WDR70: variants seen among roughly 807,000 people sequenced by gnomAD.
WDR70 encodes WD repeat domain 70.
A neutral mutation model predicts 88.6 loss-of-function variants in WDR70; 53 were observed. The observed-to-expected ratio is 0.60, with a 90% CI of 0.48 to 0.75. The LOEUF (loss-of-function observed/expected upper bound fraction) is 0.75. Among genes scored for constraint, WDR70 ranks in the 30% least tolerant of loss-of-function variants. The pLI, the probability that WDR70 is intolerant of heterozygous loss-of-function variation, is 0.00. For synonymous variants in WDR70, 280 were observed against 270.0 expected, an observed-to-expected ratio of 1.04 and a Z score of -0.36; for missense variants, 610 against 823.2, an observed-to-expected ratio of 0.74 and a Z score of 3.17.
chr5:37,438,908 G>GTTTTTTT (rs5867350), intron 6 of WDR70, among the ~76,000 whole-genome samples: 7 of 146,254 alleles, frequency 4.8e-5, no homozygotes, highest in Non-Finnish European at 6.0e-5. Flanking sequence ...GTCCTCATTC[G>GTTTTTTT]TTTTTTTTTT....
intron 8 of WDR70, among the ~76,000 whole-genome samples, chr5:37,487,621 ATATG>A (rs1310977800): frequency 5.1e-3 from 194 of 37,702 alleles, no homozygotes; most frequent in African/African-American, 0.012. Context: ...ATATATATAT[ATATG>A]TATTTTTTTT....
chr5:37,716,182 G>A (rs1256270615), intron 13 of WDR70, among the ~76,000 whole-genome samples: 1 of 152,170 alleles, frequency 6.6e-6, no homozygotes, highest in African/African-American at 2.4e-5. Flanking sequence ...CAGCAGCTGT[G>A]GAGGATCCGG....
intron 9 of WDR70, among the ~76,000 whole-genome samples, chr5:37,582,583 ATGG>A: frequency 6.6e-6 from 1 of 152,346 alleles, no homozygotes; most frequent in South Asian, 2.1e-4. Flanking sequence ...CTGTGTCACC[ATGG>A]GCAGATTATA....
chr5:37,585,665 C>A (rs1008596350), intron 9 of WDR70, among the ~76,000 whole-genome samples: 2 of 152,070 alleles, frequency 1.3e-5, no homozygotes, highest in Non-Finnish European at 2.9e-5. Context: ...GCTCTTGATC[C>A]AGTACCTTTG....
intron 5 of WDR70, among the ~76,000 whole-genome samples, chr5:37,429,069 A>G (rs1250101344): frequency 6.6e-6 from 1 of 152,192 alleles, no homozygotes; most frequent in African/African-American, 2.4e-5. Context: ...ACCTGGGCTC[A>G]AGCAATTCCT....
At chr5:37,399,553 C>G (rs1385578803) in intron 5 of WDR70, among the ~76,000 whole-genome samples, 1 of 152,062 alleles carries the variant, frequency 6.6e-6, no homozygotes, top group Non-Finnish European at 1.5e-5. Context: ...TTAAATGATC[C>G]ATTGCTTTAG....
chr5:37,451,513 G>A (rs565540673), intron 7 of WDR70, among the ~76,000 whole-genome samples: 3 of 152,084 alleles, frequency 2.0e-5, no homozygotes, highest in African/African-American at 4.8e-5. Context: ...ATAACTACAC[G>A]TGGCTAGGTA....
chr5:37,554,781 A>G lies in WDR70; in HGVS notation c.917+38191A>G, dbSNP rs563496986. On this transcript the variant is annotated intron_variant, in intron 9 of 17. Coordinates refer to ENST00000265107, the MANE Select transcript of WDR70 (RefSeq NM_018034.4). ...TTATTCACAGGTGTAATCATAGTGC[A>G]CTACAGCCTCAAACTCCTGGGCTTA... is the stretch of plus-strand genomic sequence containing the variant. Among the ~76,000 whole-genome samples, 3 of 152,146 alleles carry G rather than the reference A, an allele frequency of 2.0e-5. No homozygotes were observed. The South Asian group carries it at 6.2e-4, about 32-fold the overall frequency.
chr5:37,741,058 TTGTC>T (rs1299585771), intron 17 of WDR70, among the ~76,000 whole-genome samples: 2 of 152,152 alleles, frequency 1.3e-5, no homozygotes, highest in African/African-American at 4.8e-5. Flanking sequence ...AATAAAATAT[TTGTC>T]TGCAGAGTCC....
At chr5:37,607,100 A>G (rs1744052962) in intron 10 of WDR70, among the ~76,000 whole-genome samples, 2 of 151,044 alleles carry the variant, frequency 1.3e-5, no homozygotes, top group South Asian at 4.2e-4. Context: ...GTACCACCAC[A>G]CCCAGCTAGT....
chr5:37,412,493 A>C (rs1393406866), intron 5 of WDR70, among the ~76,000 whole-genome samples: 1 of 152,180 alleles, frequency 6.6e-6, no homozygotes, highest in African/African-American at 2.4e-5. Flanking sequence ...CTCATAATTA[A>C]ATGGAAACTT....
At position 37,699,575 on chromosome 5, in the gene WDR70, C is replaced by T. The variant is rs557922151; in HGVS notation, c.1193-1483C>T. ...AGGTGCTTCTGCTAGCTGCATAACC[C>T]GCTGGATTAGATGGAATTAATACAG... On this transcript the variant is annotated intron_variant, in intron 11 of 17. Coordinates refer to ENST00000265107, the MANE Select transcript of WDR70 (RefSeq NM_018034.4). Among the ~76,000 whole-genome samples, 76 of 152,082 alleles carry T rather than the reference C, an allele frequency of 5.0e-4. 1 individual carries two copies. The highest frequency in any genetic ancestry group is 2.9e-3 in the South Asian group (14 of 4,818).
At chr5:37,439,568 G>C (rs1262789897) in intron 6 of WDR70, among the ~76,000 whole-genome samples, 1 of 148,222 alleles carries the variant, frequency 6.7e-6, no homozygotes, top group South Asian at 2.1e-4. Flanking sequence ...AAATACTCCA[G>C]TATGTTTTAC....
chr5:37,528,903 AGGGGGTTTTTTT>A (rs1741391724), intron 9 of WDR70, among the ~76,000 whole-genome samples: 3 of 86,982 alleles, frequency 3.4e-5, no homozygotes, highest in Non-Finnish European at 7.9e-5. Flanking sequence ...CAATGTCTAG[AGGGGGTTTTTTT>A]TTTTTTTTGA....
intron 10 of WDR70, among the ~76,000 whole-genome samples, chr5:37,606,767 T>C (rs1445931402): frequency 6.6e-6 from 1 of 152,154 alleles, no homozygotes; most frequent in South Asian, 2.1e-4. Flanking sequence ...TTTATTCATA[T>C]TTTTACATTT....
chr5:37,750,950 C>CT (rs1748789771), intron 17 of WDR70, among the ~76,000 whole-genome samples: 1 of 152,088 alleles, frequency 6.6e-6, no homozygotes, highest in African/African-American at 2.4e-5. Context: ...ATTTAATTTC[C>CT]TTTTTTATAT....
intron 5 of WDR70, among the ~76,000 whole-genome samples, chr5:37,404,224 G>C (rs1183127270): frequency 6.6e-6 from 1 of 152,154 alleles, no homozygotes; most frequent in Non-Finnish European, 1.5e-5. Context: ...TTTCTTCACA[G>C]TCTAGTTGTG....
intron 8 of WDR70, among the ~76,000 whole-genome samples, chr5:37,502,609 T>G (rs1740438879): frequency 6.6e-6 from 1 of 152,170 alleles, no homozygotes; most frequent in Non-Finnish European, 1.5e-5. Context: ...ACTTGCATAT[T>G]AGGCCACTCT....
chr5:37,479,189 G>A (rs941189160), intron 7 of WDR70, among the ~76,000 whole-genome samples: 1 of 152,032 alleles, frequency 6.6e-6, no homozygotes, highest in African/African-American at 2.4e-5. Flanking sequence ...AATAATGAGA[G>A]GAAGTTGAGG....
Sources: gnomAD v4.1 joint callset for allele counts (sites outside exome capture counted in the v4.1 genomes callset) on GRCh38, gnomAD v4.1.1 for gene constraint, MANE v1.5 for transcripts, NCBI Gene and HGNC (gene_info 2026-07-23, HGNC 2026-07-21) for gene names.